SLC4A8: variants seen among roughly 807,000 people sequenced by gnomAD.
The protein encoded by SLC4A8 is solute carrier family 4 member 8, also known as electroneutral sodium bicarbonate exchanger 1.
SLC4A8 carries 40 observed loss-of-function variants against 125.0 expected under a neutral mutation model. The observed-to-expected ratio is 0.32, with a 90% CI of 0.25 to 0.42. The LOEUF is 0.42. SLC4A8 is among the 10% of genes least tolerant of loss of function. The pLI is 1.00. For synonymous variants in SLC4A8, 456 were observed against 476.0 expected, an observed-to-expected ratio of 0.96 and a Z score of 0.55; for missense variants, 863 against 1,355.1, an observed-to-expected ratio of 0.64 and a Z score of 5.70.
chr12:51,491,778 C>CACACACA (rs3028941), intron 19 of SLC4A8, among the ~76,000 whole-genome samples: 4 of 150,252 alleles, frequency 2.7e-5, no homozygotes, highest in East Asian at 2.0e-4. Context: ...CACACACACA[C>CACACACA]CCCTCTTTAA....
intron 1 of SLC4A8, among the ~76,000 whole-genome samples, chr12:51,394,436 T>C (rs927176780): frequency 2.6e-5 from 4 of 152,152 alleles, no homozygotes; most frequent in African/African-American, 7.2e-5. Flanking sequence ...GCAGGCTTCC[T>C]CTCCACCAAG....
intron 1 of SLC4A8, 59 bp downstream of exon 1, chr12:51,425,094 T>C: frequency 6.5e-7 from 1 of 1,527,712 alleles, no homozygotes; most frequent in Non-Finnish European, 8.8e-7. Flanking sequence ...CCTCATCCTC[T>C]GCCCACCCTC....
At chr12:51,396,681 TA>T (rs11324810) in intron 1 of SLC4A8, among the ~76,000 whole-genome samples, 126,544 of 143,432 alleles carry the variant, frequency 0.88, 55,972 homozygotes, top group Non-Finnish European at 0.93. Context: ...CATCTTTATT[TA>T]AAAAAAAAAA....
chr12:51,393,316 A>G (rs780451520), intron 1 of SLC4A8, among the ~76,000 whole-genome samples: 5 of 151,976 alleles, frequency 3.3e-5, no homozygotes, highest in Non-Finnish European at 7.4e-5. Flanking sequence ...GTTGGTTTCA[A>G]ACTCCTGGGC....
At chr12:51,487,801 TG>T (rs967198054) in intron 17 of SLC4A8, among the ~76,000 whole-genome samples, 1 of 152,250 alleles carries the variant, frequency 6.6e-6, no homozygotes, top group African/African-American at 2.4e-5. Flanking sequence ...TCACTATTGA[TG>T]GGAGAAGCCC....
chr12:51,457,669 T>A (rs113398518), intron 6 of SLC4A8, 130 bp downstream of exon 6: 14 of 789,114 alleles, frequency 1.8e-5, no homozygotes, highest in African/African-American at 1.0e-4. Flanking sequence ...CACTTAGTAC[T>A]TTTTGGAGAC....
chr12:51,449,788 C>T (rs1949903724), intron 2 of SLC4A8, among the ~76,000 whole-genome samples: 1 of 152,136 alleles, frequency 6.6e-6, no homozygotes, highest in Admixed American at 6.6e-5. Context: ...TGCCTGTAAA[C>T]CCAGTGCTTT....
At chr12:51,424,594 G>T (rs1303251510), upstream of SLC4A8, 2 of 213,252 alleles carry the variant, frequency 9.4e-6, no homozygotes, top group African/African-American at 4.6e-5. Context: ...CAAGGGTCAG[G>T]TGCAGCTGCA....
chr12:51,423,531 A>G (rs1187290550), upstream of SLC4A8, among the ~76,000 whole-genome samples: 1 of 152,194 alleles, frequency 6.6e-6, no homozygotes, highest in African/African-American at 2.4e-5. Context: ...CAGAAATACA[A>G]TTCTGCTTCA....
intron 13 of SLC4A8, 117 bp downstream of exon 13, chr12:51,470,642 C>A: frequency 1.0e-6 from 1 of 953,134 alleles, no homozygotes; most frequent in Non-Finnish European, 1.6e-6. Flanking sequence ...TGTAAGAAAC[C>A]TGAAAGGAGA....
At position 51,515,558 on chromosome 12, in the gene SLC4A8, T is replaced by C. The variant is rs1446767361; in HGVS notation, c.*8120T>C. 1 of 152,194 alleles carries C rather than the reference T, an allele frequency of 6.6e-6. No individual in the cohort carries two copies. Among genetic ancestry groups the C allele is most frequent in the Non-Finnish European group, 1.5e-5 (1 of 68,032 alleles). 9.4% of individuals were successfully genotyped at this position (152,194 alleles called of 1,614,324 possible). ...CCCTCTCCACACTCCATGATGTAAA[T>C]AGAACCAGGAATAAATGTGTCATTG... On this transcript the variant is annotated 3_prime_UTR_variant, in exon 25 of 25. Coordinates refer to ENST00000453097, the MANE Select transcript of SLC4A8 (RefSeq NM_001039960.3).
chr12:51,428,887 T>G (rs753317627), intron 1 of SLC4A8, among the ~76,000 whole-genome samples: 10 of 152,214 alleles, frequency 6.6e-5, no homozygotes, highest in Non-Finnish European at 1.3e-4. Context: ...ATAAAGAGGT[T>G]AAGTAATTCT....
intron 2 of SLC4A8, among the ~76,000 whole-genome samples, chr12:51,445,508 C>T (rs1424808684): frequency 6.6e-6 from 1 of 152,122 alleles, no homozygotes; most frequent in Non-Finnish European, 1.5e-5. Flanking sequence ...TTTTACAGCA[C>T]ATAGATTCTT....
chr12:51,426,510 T>A (rs1218642237), intron 1 of SLC4A8, among the ~76,000 whole-genome samples: 1 of 152,206 alleles, frequency 6.6e-6, no homozygotes, highest in East Asian at 1.9e-4. Context: ...ATAACAGTGG[T>A]TCCAGACATG....
intron 1 of SLC4A8, among the ~76,000 whole-genome samples, chr12:51,431,157 C>T (rs1332978594): frequency 1.3e-5 from 2 of 152,194 alleles, no homozygotes; most frequent in African/African-American, 4.8e-5. Context: ...TCTCTCAGAA[C>T]CTGCTTTTGT....
chr12:51,472,101 T>G (rs1950716848), intron 14 of SLC4A8, among the ~76,000 whole-genome samples: 1 of 152,242 alleles, frequency 6.6e-6, no homozygotes, highest in South Asian at 2.1e-4. Flanking sequence ...TTTCTTTATG[T>G]GTTCAATATG....
chr12:51,418,867 T>C (rs1948734116), intron 1 of SLC4A8, among the ~76,000 whole-genome samples: 1 of 152,312 alleles, frequency 6.6e-6, no homozygotes, highest in Non-Finnish European at 1.5e-5. Context: ...TAATAGTTAT[T>C]TTCAGAACTC....
At chr12:51,441,139 A>G in intron 2 of SLC4A8, 1 of 996,922 alleles carries the variant, frequency 1.0e-6, no homozygotes, top group Non-Finnish European at 1.2e-6. Context: ...TAAATACAAA[A>G]CTTAAAGAGA....
chr12:51,503,433 G>C (rs1320900396), intron 22 of SLC4A8, among the ~76,000 whole-genome samples: 1 of 151,466 alleles, frequency 6.6e-6, no homozygotes, highest in Non-Finnish European at 1.5e-5. Context: ...GGATGGTCTC[G>C]ATCTCCTGAC....
Sources: allele counts gnomAD v4.1 joint callset (sites outside exome capture counted in the v4.1 genomes callset), GRCh38; gene constraint gnomAD v4.1.1; transcripts MANE v1.5; gene names NCBI Gene and HGNC (gene_info 2026-07-23, HGNC 2026-07-21).